The following SEMA6D variants were observed in gnomAD, a reference collection of about 807,000 sequenced individuals.
SEMA6D encodes the protein semaphorin 6D, also known as semaphorin-6D.
In SEMA6D, 35 loss-of-function variants were observed where a neutral mutation model predicts 106.6. The ratio of observed to expected loss-of-function variants is 0.33; its 90% confidence interval spans 0.25 to 0.44. The LOEUF (loss-of-function observed/expected upper bound fraction) is 0.44, where lower values mean the gene tolerates loss of function less well. SEMA6D is among the 20% of genes least tolerant of loss of function. The probability of loss-of-function intolerance (pLI) is 1.00; values close to 1 mark genes in which losing one functional copy is unlikely to be tolerated. For synonymous variants in SEMA6D, 499 were observed against 487.7 expected (o/e 1.02, Z -0.31); for missense variants, 1,185 against 1,345.9 (o/e 0.88, Z 1.87).
intron 1 of SEMA6D, among the ~76,000 whole-genome samples, chr15:47,246,367 A>G (rs1418656357): frequency 6.6e-6 from 1 of 152,102 alleles, no homozygotes; most frequent in Non-Finnish European, 1.5e-5. Context: ...AGCATGAGGG[A>G]CACAAGTACA....
chr15:47,442,076 A>T (rs1188216577), intron 2 of SEMA6D, among the ~76,000 whole-genome samples: 1 of 152,158 alleles, frequency 6.6e-6, no homozygotes, highest in East Asian at 1.9e-4. Context: ...TCAGTATATT[A>T]TAATTAGAGT....
intron 3 of SEMA6D, among the ~76,000 whole-genome samples, chr15:47,572,436 C>CA (rs1371451621): frequency 6.6e-6 from 1 of 152,078 alleles, no homozygotes; most frequent in African/African-American, 2.4e-5. Flanking sequence ...TGTTTTGAAA[C>CA]AAAGTGTTTT....
Position 47,337,073 on chromosome 15 carries a change from A to T in SEMA6D, c.-238-75320A>T, listed in dbSNP as rs140580418. 9.1e-3 allele frequency among the ~76,000 whole-genome samples: 1,387 copies of T among 152,202 alleles called. 10 individuals carry two copies. The highest frequency in any genetic ancestry group is 0.04 in the East Asian group (205 of 5,174). On this transcript the variant is annotated intron_variant, in intron 1 of 19. Coordinates refer to the SEMA6D transcript ENST00000558014. ...AGGGTGATGGAAATCTGGCCTATTT[A>T]AAGGAAGTTTGAGGGGTGCATCAAG... is the stretch of plus-strand genomic sequence containing the variant.
intron 3 of SEMA6D, among the ~76,000 whole-genome samples, chr15:47,505,008 C>G (rs1319135790): frequency 6.6e-6 from 1 of 152,060 alleles, no homozygotes; most frequent in African/African-American, 2.4e-5. Flanking sequence ...GAGACTCGGG[C>G]CACCCAACAA....
At chr15:47,324,034 T>G (rs2143787248) in intron 1 of SEMA6D, among the ~76,000 whole-genome samples, 1 of 152,256 alleles carries the variant, frequency 6.6e-6, no homozygotes, top group Non-Finnish European at 1.5e-5. Context: ...CCAGATATTT[T>G]TGATACCATG....
At chr15:47,741,920 C>T (rs1295569338) in intron 1 of SEMA6D, among the ~76,000 whole-genome samples, 1 of 152,136 alleles carries the variant, frequency 6.6e-6, no homozygotes, top group East Asian at 1.9e-4. Context: ...GGCAAATCCA[C>T]AGTAGAAATG....
intron 1 of SEMA6D, among the ~76,000 whole-genome samples, chr15:47,363,825 T>C (rs548411250): frequency 6.6e-6 from 1 of 152,280 alleles, no homozygotes; most frequent in Admixed American, 6.5e-5. Context: ...TCTGCATGGC[T>C]TGGGAGGCCT....
chr15:47,665,259 G>T (rs2078003363), intron 4 of SEMA6D, among the ~76,000 whole-genome samples: 2 of 152,090 alleles, frequency 1.3e-5, no homozygotes, highest in Non-Finnish European at 2.9e-5. Flanking sequence ...TTTCTTTGCA[G>T]CTTTAGATCA....
chr15:47,528,856 T>C (rs1178020329), intron 3 of SEMA6D, among the ~76,000 whole-genome samples: 1 of 152,184 alleles, frequency 6.6e-6, no homozygotes, highest in East Asian at 1.9e-4. Flanking sequence ...AGTTGAAAGT[T>C]CACATATAAC....
intron 4 of SEMA6D, among the ~76,000 whole-genome samples, chr15:47,661,150 C>T (rs2077909285): frequency 6.6e-6 from 1 of 152,184 alleles, no homozygotes; most frequent in Non-Finnish European, 1.5e-5. Flanking sequence ...TCTTCCCTTC[C>T]TACTCAGTAA....
intron 1 of SEMA6D, among the ~76,000 whole-genome samples, chr15:47,257,730 G>GA (rs927639062): frequency 4.6e-4 from 67 of 146,358 alleles, no homozygotes; most frequent in East Asian, 3.8e-3. Context: ...ATGAGAACTT[G>GA]AAAAAAAAAA....
At chr15:47,196,502 A>G (rs1244991168) in intron 1 of SEMA6D, among the ~76,000 whole-genome samples, 2 of 152,182 alleles carry the variant, frequency 1.3e-5, no homozygotes, top group East Asian at 1.9e-4. Context: ...GGGGAAATTG[A>G]GCAGTTTTAA....
chr15:47,441,328 T>C (rs762021438), intron 2 of SEMA6D, among the ~76,000 whole-genome samples: 3 of 152,032 alleles, frequency 2.0e-5, no homozygotes, highest in Non-Finnish European at 4.4e-5. Context: ...AAGTAAATAA[T>C]GCTGGGGAGA....
chr15:47,417,475 G>A (rs1236199999), intron 2 of SEMA6D, among the ~76,000 whole-genome samples: 1 of 151,780 alleles, frequency 6.6e-6, no homozygotes, highest in East Asian at 1.9e-4. Context: ...CAATGTCTGA[G>A]AAAGTAGAGT....
intron 3 of SEMA6D, among the ~76,000 whole-genome samples, chr15:47,549,098 A>G (rs565273238): frequency 2.0e-5 from 3 of 152,188 alleles, no homozygotes; most frequent in Non-Finnish European, 4.4e-5. Context: ...TCACTTTGCT[A>G]TGTGTATTAC....
chr15:47,582,309 A>C (rs1422245404), intron 3 of SEMA6D, among the ~76,000 whole-genome samples: 1 of 152,208 alleles, frequency 6.6e-6, no homozygotes, highest in African/African-American at 2.4e-5. Flanking sequence ...TTGACAGTGG[A>C]TTACGAGGCC....
intron 8 of SEMA6D, 138 bp downstream of exon 8, chr15:47,762,457 G>A: frequency 1.0e-6 from 1 of 958,974 alleles, no homozygotes; most frequent in Non-Finnish European, 1.5e-6. Context: ...CTTTGATTGT[G>A]AACAGGAGCA....
intron 1 of SEMA6D, among the ~76,000 whole-genome samples, chr15:47,254,317 A>G (rs1038998412): frequency 5.2e-5 from 4 of 76,498 alleles, no homozygotes; most frequent in African/African-American, 1.5e-4. Flanking sequence ...ATATGTATAT[A>G]TATGTGTGTG....
intron 1 of SEMA6D, among the ~76,000 whole-genome samples, chr15:47,264,132 G>T (rs138372780): frequency 1.5e-4 from 23 of 152,066 alleles, no homozygotes; most frequent in African/African-American, 4.8e-4. Context: ...ACTTAAAGTG[G>T]GAGCTAAATG....
Sources: allele counts gnomAD v4.1 joint callset (sites outside exome capture counted in the v4.1 genomes callset), GRCh38; gene constraint gnomAD v4.1.1; transcripts MANE v1.5; gene names NCBI Gene and HGNC (gene_info 2026-07-23, HGNC 2026-07-21).